The following VPS13C variants were observed in gnomAD, a reference collection of about 807,000 sequenced individuals.
The protein encoded by VPS13C is vacuolar protein sorting 13 homolog C.
In VPS13C, 358 loss-of-function variants were observed where a neutral mutation model predicts 456.8. The ratio of observed to expected loss-of-function variants is 0.78; its 90% confidence interval spans 0.72 to 0.86. The LOEUF is 0.86. Ranked by LOEUF, VPS13C falls within the 40% of genes least tolerant of loss-of-function variation. The pLI, the probability that VPS13C is intolerant of heterozygous loss-of-function variation, is 0.00. For missense variants in VPS13C, 4,818 were observed against 4,385.4 expected (o/e 1.10, Z -2.79); for synonymous variants, 1,578 against 1,486.7 (o/e 1.06, Z -1.41).
intron 22 of VPS13C, among the ~76,000 whole-genome samples, chr15:61,979,200 T>C (rs2045799638): frequency 6.6e-6 from 1 of 152,210 alleles, no homozygotes; most frequent in African/African-American, 2.4e-5. Flanking sequence ...TCCCCCTTCC[T>C]GGTGGAAGCA....
intron 66 of VPS13C, among the ~76,000 whole-genome samples, chr15:61,903,951 C>A (rs2043079189): frequency 6.6e-6 from 1 of 152,106 alleles, no homozygotes; most frequent in African/African-American, 2.4e-5. Context: ...TTAAACTAGA[C>A]CCCTACCTCT....
chr15:61,946,466 T>C, intron 43 of VPS13C, 56 bp from the exon 44 acceptor site: 1 of 1,333,278 alleles, frequency 7.5e-7, no homozygotes, highest in African/African-American at 1.5e-5. Flanking sequence ...ACTAAGCCAG[T>C]GGTATTTAAG....
rs1178705139 is a variant in VPS13C at position 61,925,529 on chromosome 15, AAAG to A, written c.6533_6535del (p.Ser2178del). 6.2e-7 allele frequency: 1 copy of A among 1,604,136 alleles called. No homozygotes were observed. ...AGCCCACGTACATTTTTCCATAAAT[AAAG>A]AACAGGGCTGCAAGACCTATAAACA... On this transcript the variant is annotated inframe_deletion, in exon 53 of 85. Transcript: ENST00000644861.
rs8026956 is a variant in VPS13C, at chr15:61,951,827, T to C, written c.4453A>G (p.Thr1485Ala). ...KKISMQCFDF[T>A]DSKGEPLHII... ...ACAGACAATATTTCACACTTACCAG[T>C]GAAATCAAAGCACTGCATACTAATT... The change falls in exon 39 of 85, where the codon ACT becomes GCT. Residue 1485 changes from threonine to alanine, a missense_variant. By Grantham distance (58) the Thr-to-Ala change is moderately conservative. Transcript: ENST00000644861. 1.4e-3 allele frequency: 2,269 copies of C among 1,608,178 alleles called. 30 individuals are homozygous for C. The African/African-American group carries it at 0.028, about 20-fold the overall frequency.
chr15:61,938,597 T>A (rs553405091), intron 47 of VPS13C, among the ~76,000 whole-genome samples: 1 of 152,200 alleles, frequency 6.6e-6, no homozygotes, highest in Non-Finnish European at 1.5e-5. Context: ...GTTAAAGTAA[T>A]TATAATACTT....
At chr15:62,016,272 T>C (rs866911956) in intron 9 of VPS13C, among the ~76,000 whole-genome samples, 2 of 151,048 alleles carry the variant, frequency 1.3e-5, no homozygotes, top group Middle Eastern at 3.5e-3. Context: ...ATTTTATATA[T>C]ATATATATTT....
At chr15:61,928,936 A>C (rs1360300386) in intron 51 of VPS13C, among the ~76,000 whole-genome samples, 3 of 152,102 alleles carry the variant, frequency 2.0e-5, no homozygotes, top group Non-Finnish European at 4.4e-5. Context: ...AACAGGAAAG[A>C]AAAGGAAAGA....
intron 6 of VPS13C, among the ~76,000 whole-genome samples, chr15:62,026,765 T>C (rs1474630367): frequency 1.3e-5 from 2 of 152,072 alleles, no homozygotes; most frequent in South Asian, 2.1e-4. Context: ...AGAGACATGC[T>C]CAAGGGTTGA....
chr15:61,899,508 C>G (rs1444744349), intron 66 of VPS13C, among the ~76,000 whole-genome samples: 1 of 151,984 alleles, frequency 6.6e-6, no homozygotes, highest in Non-Finnish European at 1.5e-5. Flanking sequence ...ACTAGAAAAT[C>G]TAGAAGAAAT....
chr15:61,887,639 G>A (rs566733728), intron 67 of VPS13C, among the ~76,000 whole-genome samples: 13 of 152,054 alleles, frequency 8.5e-5, no homozygotes, highest in Admixed American at 3.3e-4. Flanking sequence ...TGCAGTGAGC[G>A]GTGATTACAC....
rs1196002169 is a variant in VPS13C, at chr15:61,936,623, A to G, written c.5729T>C (p.Val1910Ala). The stretch of plus-strand genomic sequence containing the variant: ...TTTGAGATGGTCAGGTACACTTGAA[A>G]CATCAACTTTTCTCACTCTTACAGT... ...QETVRVRKVD[V>A]SSVPDHLKEQ... Residue 1910 changes from valine (V) to alanine (A), a missense_variant, in exon 48 of 85, where the codon GTT (valine) becomes GCT (alanine). Physicochemically the swap from Val to Ala is moderately conservative, Grantham distance 64 (BLOSUM62 0). This residue lies in a region of VPS13C where 4,552 missense variants were observed against 4,130.6 expected (regional missense o/e 1.10). Coordinates refer to ENST00000644861, the MANE Select transcript of VPS13C (RefSeq NM_020821.3). 2.5e-6 allele frequency: 4 copies of G among 1,585,420 alleles called. No individual in the cohort carries two copies. In the Admixed American group the frequency reaches 5.6e-5, roughly 22 times the overall value.
At chr15:61,960,822 T>C (rs558804961) in intron 35 of VPS13C, among the ~76,000 whole-genome samples, 1 of 152,342 alleles carries the variant, frequency 6.6e-6, no homozygotes, top group South Asian at 2.1e-4. Context: ...ATGCCTGTAA[T>C]CTCAGCACTT....
At position 61,858,342 on chromosome 15, in the gene VPS13C, CTAT is replaced by C. The variant is rs1451710611; in HGVS notation, c.10953-1936_10953-1934del. Among the ~76,000 whole-genome samples, 1 of 151,104 alleles carries C rather than the reference CTAT, an allele frequency of 6.6e-6. No homozygotes were observed. Among genetic ancestry groups the C allele is most frequent in the African/African-American group, 2.4e-5 (1 of 40,956 alleles). On this transcript the variant is annotated intron_variant, in intron 82 of 84. Transcript: ENST00000644861. The surrounding 1 kb of genome is among the most constrained non-coding windows in gnomAD (Gnocchi z 4.4). ...ACTATCTATCTATCTATCTATCTATCTATCTATCTATCTATCTATCTGTCTATC... is the reference window on the plus strand; with the variant it reads ...ACTATCTATCTATCTATCTATCTATCCTATCTATCTATCTATCTGTCTATC...
intron 9 of VPS13C, among the ~76,000 whole-genome samples, chr15:62,017,752 T>G (rs1431261174): frequency 6.6e-6 from 1 of 152,208 alleles, no homozygotes; most frequent in Non-Finnish European, 1.5e-5. Context: ...TGGCTTAGGA[T>G]TGACTTGGCA....
intron 16 of VPS13C, among the ~76,000 whole-genome samples, chr15:61,994,305 A>C (rs2046310877): frequency 6.6e-6 from 1 of 152,218 alleles, no homozygotes; most frequent in Non-Finnish European, 1.5e-5. Context: ...TACACATTTA[A>C]GCTAAAGCAA....
Position 61,915,955 on chromosome 15 carries a change from C to A in VPS13C, c.8123G>T (p.Gly2708Val), listed in dbSNP as rs778771743. The A allele has an allele frequency of 6.2e-7, 1 of 1,613,746 alleles. No individual in the cohort carries two copies. Among genetic ancestry groups the A allele is most frequent in the Non-Finnish European group, 8.5e-7 (1 of 1,179,786 alleles). The change falls in exon 61 of 85, where the codon GGT becomes GTT. Residue 2708 changes from glycine to valine, a missense_variant. Transcript: ENST00000644861. ...CACCAGGACTAATTCCATTATTTCA[C>A]CACTGATTCTCGAATGCAGAACATC... ...TADVLHSRIS[G>V]EIMELVLVKY... is the part of the protein sequence containing the mutation.
At chr15:61,930,584 A>G (rs2044022336) in intron 50 of VPS13C, among the ~76,000 whole-genome samples, 1 of 152,236 alleles carries the variant, frequency 6.6e-6, no homozygotes, top group Admixed American at 6.5e-5. Flanking sequence ...TGAAAATTAC[A>G]TATTTCCCAT....
intron 27 of VPS13C, among the ~76,000 whole-genome samples, chr15:61,971,259 A>T (rs951887698): frequency 6.6e-6 from 1 of 151,936 alleles, no homozygotes; most frequent in Non-Finnish European, 1.5e-5. Flanking sequence ...TTTTATTTTT[A>T]TTTTACTTTA....
chr15:61,867,185 TACATTAATTAA>T lies in VPS13C; in HGVS notation c.10863+1463_10863+1473del. On this transcript the variant is annotated intron_variant, in intron 81 of 84. Transcript: ENST00000644861. This position sits in a 1 kb window ranked among gnomAD's most constrained non-coding sequence, Gnocchi z 5.0. ...CCTAATTACATGTTCAACTTCTATC[TACATTAATTAA>T]AACTAATAATTATGAAATAAGCATA... 1.0e-6 allele frequency: 1 copy of T among 983,490 alleles called. No individual in the cohort carries two copies. Among genetic ancestry groups the T allele is most frequent in the Non-Finnish European group, 1.2e-6 (1 of 828,170 alleles). 60.9% of individuals were successfully genotyped at this position (983,490 alleles called of 1,614,324 possible).
Sources: gnomAD v4.1 joint callset for allele counts (sites outside exome capture counted in the v4.1 genomes callset) on GRCh38, gnomAD v4.1.1 for gene constraint, gnomAD v4.1.1 regional missense constraint, Gnocchi (gnomAD v3.1) non-coding constraint, MANE v1.5 for transcripts, NCBI Gene and HGNC (gene_info 2026-07-23, HGNC 2026-07-21) for gene names.